H2BC5: variants seen among roughly 807,000 people sequenced by gnomAD.
H2BC5 encodes the protein H2B clustered histone 5.
Under a neutral mutation model 5.7 loss-of-function variants are expected in H2BC5, and 9 were observed. The observed-to-expected ratio is 1.57, with a 90% CI of 0.95 to 2.74. The LOEUF is 2.74. Among genes scored for constraint, H2BC5 ranks in the 30% most tolerant of loss-of-function variants. The pLI is 0.00. For synonymous variants in H2BC5, 133 were observed against 70.9 expected (o/e 1.88, Z -4.40); for missense variants, 175 against 168.8 (o/e 1.04, Z -0.20).
chr6:26,164,809 C>G (rs1348141982), intron 1 of H2BC5, among the ~76,000 whole-genome samples: 1 of 151,890 alleles, frequency 6.6e-6, no homozygotes, highest in African/African-American at 2.4e-5. Flanking sequence ...CCCCTGAGCC[C>G]CAGGAGAACC....
At chr6:26,159,650 G>A (rs1046789367), downstream of H2BC5, among the ~76,000 whole-genome samples, 1 of 152,104 alleles carries the variant, frequency 6.6e-6, no homozygotes. Context: ...GGCTAGGTTT[G>A]GAGTCAAATG....
At chr6:26,165,321 T>C (rs980106119) in intron 1 of H2BC5, among the ~76,000 whole-genome samples, 9 of 152,174 alleles carry the variant, frequency 5.9e-5, no homozygotes, top group African/African-American at 2.2e-4. Flanking sequence ...GGCTGCTGCA[T>C]GTACACAGCC....
At chr6:26,158,747 GA>G (rs1764288945), downstream of H2BC5, 5 of 876,246 alleles carry the variant, frequency 5.7e-6, no homozygotes, top group South Asian at 9.2e-5. Context: ...ATAGGTACTA[GA>G]AATTGAGTGC....
At chr6:26,159,295 C>T (rs1194015078), downstream of H2BC5, among the ~76,000 whole-genome samples, 2 of 120,254 alleles carry the variant, frequency 1.7e-5, no homozygotes, top group Non-Finnish European at 3.2e-5. Flanking sequence ...GTTAAAAGTC[C>T]TCCGGGTAAC....
At chr6:26,165,235 C>T (rs937123943) in intron 1 of H2BC5, among the ~76,000 whole-genome samples, 2 of 152,156 alleles carry the variant, frequency 1.3e-5, no homozygotes, top group Non-Finnish European at 2.9e-5. Context: ...CTGTTTTCCA[C>T]GATGGAGAGC....
chr6:26,162,265 G>A (rs1359707829), downstream of H2BC5, among the ~76,000 whole-genome samples: 2 of 151,934 alleles, frequency 1.3e-5, no homozygotes, highest in East Asian at 3.9e-4. Context: ...CTAATCAATA[G>A]TCGACTGACT....
Position 26,158,183 on chromosome 6 carries a change from C to T in H2BC5, c.14C>T (p.Thr5Ile), listed in dbSNP as rs1050932839. The stretch of plus-strand genomic sequence containing the variant: ...ATTAACGCTACGATGCCTGAACCTA[C>T]CAAGTCTGCTCCTGCCCCAAAGAAG... MPEP[T>I]KSAPAPKKGS... Residue 5 changes from threonine to isoleucine, a missense_variant, in exon 1 of 1, where the codon ACC (threonine) becomes ATC (isoleucine). This residue lies in a region of H2BC5 where 119 missense variants were observed against 85.6 expected (regional missense o/e 1.39). Transcript: ENST00000377777. 8 of 1,613,978 alleles carry T rather than the reference C, an allele frequency of 5.0e-6. No homozygotes were observed. The highest frequency in any genetic ancestry group is 4.5e-5 in the East Asian group (2 of 44,892).
intron 1 of H2BC5, among the ~76,000 whole-genome samples, chr6:26,167,260 G>A (rs981731010): frequency 1.3e-5 from 2 of 152,062 alleles, no homozygotes; most frequent in Non-Finnish European, 2.9e-5. Context: ...ACAGCCTGCC[G>A]AGATCTCTCT....
intron 1 of H2BC5, chr6:26,164,174 G>T: frequency 4.5e-6 from 2 of 447,926 alleles, no homozygotes; most frequent in Non-Finnish European, 9.0e-6. Context: ...CTCAGTGGTA[G>T]CAGGAGGTGG....
chr6:26,158,988 T>C (rs1475422333), downstream of H2BC5, among the ~76,000 whole-genome samples: 1 of 152,176 alleles, frequency 6.6e-6, no homozygotes, highest in African/African-American at 2.4e-5. Flanking sequence ...GCCCATTTTC[T>C]TGTAAAATTT....
chr6:26,169,909 GAAAAAA>G (rs894337165), intron 1 of H2BC5, among the ~76,000 whole-genome samples: 2 of 148,800 alleles, frequency 1.3e-5, no homozygotes, highest in African/African-American at 5.0e-5. Context: ...TCAAAAAAAA[GAAAAAA>G]AAGAAAAAGA....
At chr6:26,161,951 AAG>A (rs1361711201), downstream of H2BC5, among the ~76,000 whole-genome samples, 3 of 152,208 alleles carry the variant, frequency 2.0e-5, no homozygotes, top group Non-Finnish European at 4.4e-5. Flanking sequence ...AAAATAATAT[AAG>A]AAAATAAAAA....
Position 26,158,180 on chromosome 6 carries a change from C to T in H2BC5, c.11C>T (p.Pro4Leu), listed in dbSNP as rs781205208. Residue 4 changes from proline (P) to leucine (L), a missense_variant, in exon 1 of 1, where the codon CCT becomes CTT. Physicochemically the swap from Pro to Leu is moderately conservative, Grantham distance 98. This residue lies in a region of H2BC5 where 119 missense variants were observed against 85.6 expected (regional missense o/e 1.39). Transcript: ENST00000377777. ...ACTATTAACGCTACGATGCCTGAAC[C>T]TACCAAGTCTGCTCCTGCCCCAAAG... The part of the protein sequence containing the change: MPE[P>L]TKSAPAPKKG... 5.6e-6 allele frequency: 9 copies of T among 1,613,748 alleles called. No individual in the cohort carries two copies. The South Asian group carries it at 6.6e-5, about 12-fold the overall frequency.
At chr6:26,164,143 G>A in intron 1 of H2BC5, 1 of 447,514 alleles carries the variant, frequency 2.2e-6, no homozygotes, top group Non-Finnish European at 4.5e-6. Context: ...CCGTGGGTGA[G>A]GAGGCCAACC....
intron 1 of H2BC5, among the ~76,000 whole-genome samples, chr6:26,166,774 A>G (rs983837813): frequency 3.0e-5 from 4 of 134,250 alleles, no homozygotes; most frequent in Non-Finnish European, 4.5e-5. Context: ...ATCTTGGCTC[A>G]CTGCAACCTC....
downstream of H2BC5, among the ~76,000 whole-genome samples, chr6:26,159,302 T>G (rs1764309702): frequency 8.0e-6 from 1 of 124,430 alleles, no homozygotes; most frequent in Non-Finnish European, 1.6e-5. Flanking sequence ...GTCCTCCGGG[T>G]AACGGCAGAA....
At chr6:26,165,583 T>G (rs898176380) in intron 1 of H2BC5, among the ~76,000 whole-genome samples, 1 of 152,112 alleles carries the variant, frequency 6.6e-6, no homozygotes, top group African/African-American at 2.4e-5. Flanking sequence ...TGGAACATAC[T>G]TGTTCTCAGC....
intron 1 of H2BC5, among the ~76,000 whole-genome samples, chr6:26,167,432 C>T (rs1764448357): frequency 6.6e-6 from 1 of 152,174 alleles, no homozygotes; most frequent in African/African-American, 2.4e-5. Context: ...GGCCATCAGC[C>T]CTCCCCCAGC....
chr6:26,167,622 G>GT (rs924676225), intron 1 of H2BC5, among the ~76,000 whole-genome samples: 122 of 152,112 alleles, frequency 8.0e-4, no homozygotes, highest in African/African-American at 2.3e-3. Context: ...GGTGAGGGTT[G>GT]TTTTTTTCAA....
Sources: gnomAD v4.1 joint callset for allele counts (sites outside exome capture counted in the v4.1 genomes callset) on GRCh38, gnomAD v4.1.1 for gene constraint, gnomAD v4.1.1 regional missense constraint, MANE v1.5 for transcripts, NCBI Gene and HGNC (gene_info 2026-07-23, HGNC 2026-07-21) for gene names.